The following PTPRU variants were observed in gnomAD, a reference collection of about 807,000 sequenced individuals.
PTPRU encodes protein tyrosine phosphatase receptor type U, also known as receptor-type tyrosine-protein phosphatase U.
PTPRU carries 69 observed loss-of-function variants against 166.3 expected under a neutral mutation model. That is an observed-to-expected ratio of 0.41 (90% confidence interval 0.34 to 0.51). The LOEUF (loss-of-function observed/expected upper bound fraction) is 0.51, where lower values mean the gene tolerates loss of function less well. Ranked by LOEUF, PTPRU falls within the 20% of genes least tolerant of loss-of-function variation. The probability of loss-of-function intolerance (pLI) is 0.09; values close to 1 mark genes in which losing one functional copy is unlikely to be tolerated. For missense variants in PTPRU, 1,657 were observed against 2,013.7 expected (o/e 0.82, Z 3.39); for synonymous variants, 793 against 814.0 (o/e 0.97, Z 0.44).
At chr1:29,305,218 TG>T in intron 17 of PTPRU, 133 bp from the exon 18 acceptor site, 1 of 791,894 alleles carries the variant, frequency 1.3e-6, no homozygotes, top group Non-Finnish European at 2.1e-6. Flanking sequence ...CAGAGACTAC[TG>T]GTAAGCCCTG....
intron 13 of PTPRU, among the ~76,000 whole-genome samples, chr1:29,284,471 G>C (rs1298590268): frequency 1.3e-5 from 2 of 152,176 alleles, no homozygotes; most frequent in East Asian, 1.9e-4. Flanking sequence ...TATCCACTGA[G>C]AGCTGGGAGG....
chr1:29,299,258 C>T (rs1195891805), intron 15 of PTPRU, among the ~76,000 whole-genome samples: 1 of 152,202 alleles, frequency 6.6e-6, no homozygotes, highest in Non-Finnish European at 1.5e-5. Context: ...AGTGGTTACT[C>T]ACAGAAGATG....
chr1:29,299,938 ACT>A (rs1222132020), intron 15 of PTPRU, among the ~76,000 whole-genome samples: 1 of 151,372 alleles, frequency 6.6e-6, no homozygotes, highest in East Asian at 2.0e-4. Context: ...AAGCACCAAG[ACT>A]CTTGTCAGCC....
chr1:29,304,821 G>A lies in PTPRU; in HGVS notation c.2715G>A (p.Lys905=). Residue 905 remains lysine, a synonymous_variant, in exon 17 of 30, where the codon AAG becomes AAA. Coordinates refer to ENST00000373779, the MANE Select transcript of PTPRU (RefSeq NM_133178.4). ...CCACAAAGAAGAAAGACAAGGTCAA[G>A]GGCAGCCGGCAGGAGCCAATGCCTG... is the stretch of plus-strand genomic sequence containing the variant. ...WDATKKKDKV[K]GSRQEPMPAY... 1.2e-6 allele frequency: 2 copies of A among 1,612,508 alleles called. No individual in the cohort carries two copies. Among genetic ancestry groups the A allele is most frequent in the Non-Finnish European group, 1.7e-6 (2 of 1,178,774 alleles).
intron 15 of PTPRU, among the ~76,000 whole-genome samples, chr1:29,299,086 C>T (rs1205993043): frequency 6.6e-6 from 1 of 152,188 alleles, no homozygotes; most frequent in Non-Finnish European, 1.5e-5. Flanking sequence ...GGGAAAGTGC[C>T]ACCACTGAGG....
At chr1:29,303,513 C>T (rs1043116935) in intron 15 of PTPRU, among the ~76,000 whole-genome samples, 4 of 152,238 alleles carry the variant, frequency 2.6e-5, no homozygotes, top group African/African-American at 9.6e-5. Flanking sequence ...GAAGAAGCAG[C>T]TGTCATGGGC....
intron 7 of PTPRU, among the ~76,000 whole-genome samples, chr1:29,265,436 C>T (rs548816595): frequency 2.6e-5 from 4 of 151,888 alleles, no homozygotes; most frequent in African/African-American, 9.7e-5. Flanking sequence ...GATCTCAGCT[C>T]ACTGCAACCT....
intron 8 of PTPRU, 91 bp from the exon 9 acceptor site, chr1:29,278,921 C>T: frequency 2.0e-6 from 2 of 979,934 alleles, no homozygotes; most frequent in South Asian, 3.0e-5. Flanking sequence ...TCCATGAGAA[C>T]CAGGTAGGAA....
At chr1:29,259,639 C>A (rs969596127) in intron 5 of PTPRU, 75 bp downstream of exon 5, 3 of 1,407,286 alleles carry the variant, frequency 2.1e-6, no homozygotes, top group Admixed American at 4.2e-5. Flanking sequence ...CTGACTCCCC[C>A]CAGATTGCTG....
chr1:29,288,810 C>T (rs529309624), intron 14 of PTPRU, among the ~76,000 whole-genome samples: 1 of 152,144 alleles, frequency 6.6e-6, no homozygotes, highest in South Asian at 2.1e-4. Context: ...CTGCCACTGA[C>T]CCCCAGAGAG....
intron 1 of PTPRU, among the ~76,000 whole-genome samples, chr1:29,253,744 G>A (rs1177550396): frequency 1.3e-5 from 2 of 151,754 alleles, no homozygotes; most frequent in African/African-American, 2.4e-5. Context: ...TTCTGGTATC[G>A]AAACCTCTTT....
intron 15 of PTPRU, among the ~76,000 whole-genome samples, chr1:29,293,465 G>A (rs2151958641): frequency 6.7e-6 from 1 of 148,778 alleles, no homozygotes; most frequent in Admixed American, 6.8e-5. Context: ...ACCTTTTTCG[G>A]GGGTAGTTTT....
At position 29,260,722 on chromosome 1, in the gene PTPRU, G is replaced by A; in HGVS notation, c.963G>A (p.Glu321=). The A allele has an allele frequency of 6.2e-7, 1 of 1,607,162 alleles. No homozygotes were observed. The highest frequency in any genetic ancestry group is 8.5e-7 in the Non-Finnish European group (1 of 1,176,660). Residue 321 remains glutamate, a synonymous_variant, in exon 7 of 30, where the codon GAG becomes GAA. Coordinates refer to ENST00000373779, the MANE Select transcript of PTPRU (RefSeq NM_133178.4). This position sits in a 1 kb window ranked among gnomAD's most constrained non-coding sequence, Gnocchi z 8.3. ...IIGDGPIVRK[E]IEYRMARGPW... The stretch of plus-strand genomic sequence containing the variant: ...GCGACGGGCCGATCGTGCGCAAGGA[G>A]ATTGAGTACCGCATGGCGCGCGGGC...
intron 7 of PTPRU, among the ~76,000 whole-genome samples, chr1:29,267,841 C>G (rs1345550010): frequency 6.6e-6 from 1 of 152,120 alleles, no homozygotes; most frequent in Admixed American, 6.5e-5. Context: ...GCCGCAGAGA[C>G]CAGGGAGGAG....
chr1:29,244,411 G>A (rs149189318), intron 1 of PTPRU, among the ~76,000 whole-genome samples: 3,797 of 149,726 alleles, frequency 0.025, 65 homozygotes, highest in Middle Eastern at 0.055. Context: ...ATAGAACAAG[G>A]AGATGTGGGT....
At chr1:29,293,478 GTTTT>G (rs370297342) in intron 15 of PTPRU, among the ~76,000 whole-genome samples, 1 of 135,902 alleles carries the variant, frequency 7.4e-6, no homozygotes, top group Non-Finnish European at 1.6e-5. Context: ...GTAGTTTTTT[GTTTT>G]TTTTTTTTTT....
intron 22 of PTPRU, among the ~76,000 whole-genome samples, chr1:29,314,214 C>T (rs954108323): frequency 6.6e-6 from 1 of 152,112 alleles, no homozygotes; most frequent in African/African-American, 2.4e-5. Context: ...TAAGGACATT[C>T]GATCGTATGT....
chr1:29,240,900 C>T (rs4654395), intron 1 of PTPRU, among the ~76,000 whole-genome samples: 64,318 of 145,780 alleles, frequency 0.44, 15,788 homozygotes, highest in South Asian at 0.55. Flanking sequence ...GGGGTCACAG[C>T]CTCTGTTCTC....
Position 29,320,981 on chromosome 1 carries a change from T to C in PTPRU, c.3828+156T>C, listed in dbSNP as rs71644123. ...CCTTCCCAGAGCCTCAGTTTCTTCA[T>C]CTGTAAAACAAGGGTGTCAGATGGG... is the stretch of plus-strand genomic sequence containing the variant. On this transcript the variant is annotated intron_variant, in intron 26 of 29. Coordinates refer to ENST00000373779, the MANE Select transcript of PTPRU (RefSeq NM_133178.4). This position sits in a 1 kb window ranked among gnomAD's most constrained non-coding sequence, Gnocchi z 5.2. Among the ~76,000 whole-genome samples, 1,711 of 152,356 alleles carry C rather than the reference T, an allele frequency of 0.011. 14 individuals carry two copies. The highest frequency in any genetic ancestry group is 0.041 in the Middle Eastern group (12 of 294).
Sources: gnomAD v4.1 joint callset for allele counts (sites outside exome capture counted in the v4.1 genomes callset) on GRCh38, gnomAD v4.1.1 for gene constraint, Gnocchi (gnomAD v3.1) non-coding constraint, MANE v1.5 for transcripts, NCBI Gene and HGNC (gene_info 2026-07-23, HGNC 2026-07-21) for gene names.